The following PTPRJ variants were observed in gnomAD, a reference collection of about 807,000 sequenced individuals.
PTPRJ encodes receptor-type tyrosine-protein phosphatase eta.
In PTPRJ, 129 loss-of-function variants were observed where a neutral mutation model predicts 141.3. That is an observed-to-expected ratio of 0.91 (90% confidence interval 0.79 to 1.06). The LOEUF is 1.06. Ranked by LOEUF, PTPRJ falls within the 50% of genes least tolerant of loss-of-function variation. PTPRJ has a pLI of 0.00. For synonymous variants in PTPRJ, 610 were observed against 640.5 expected (o/e 0.95, Z 0.72); for missense variants, 1,601 against 1,679.7 (o/e 0.95, Z 0.82).
At chr11:48,049,539 A>AC (rs1391787151) in intron 1 of PTPRJ, among the ~76,000 whole-genome samples, 2 of 150,696 alleles carry the variant, frequency 1.3e-5, no homozygotes, top group African/African-American at 5.0e-5. Flanking sequence ...ACAAAACAAA[A>AC]CAAAACAAAA....
chr11:48,035,273 C>T (rs1422702087), intron 1 of PTPRJ, among the ~76,000 whole-genome samples: 1 of 152,192 alleles, frequency 6.6e-6, no homozygotes, highest in African/African-American at 2.4e-5. Flanking sequence ...TGTTAATCGA[C>T]CTGAGCCCCT....
intron 1 of PTPRJ, among the ~76,000 whole-genome samples, chr11:47,982,980 A>C (rs1215751201): frequency 6.6e-6 from 1 of 152,054 alleles, no homozygotes; most frequent in Non-Finnish European, 1.5e-5. Flanking sequence ...TCAGCAGTTC[A>C]TTTTGATAAT....
At chr11:48,149,589 T>A in intron 16 of PTPRJ, 101 bp downstream of exon 16, 1 of 819,036 alleles carries the variant, frequency 1.2e-6, no homozygotes, top group South Asian at 1.8e-5. Context: ...TTTTCCTGAT[T>A]GGCACATTTT....
intron 1 of PTPRJ, among the ~76,000 whole-genome samples, chr11:48,066,321 T>C (rs1855080184): frequency 2.1e-5 from 3 of 146,256 alleles, no homozygotes; most frequent in Non-Finnish European, 1.6e-5. Context: ...TCGAAGACTT[T>C]CCACTTGGAA....
chr11:48,119,151 T>A (rs1181148831), intron 3 of PTPRJ, among the ~76,000 whole-genome samples: 2 of 152,204 alleles, frequency 1.3e-5, no homozygotes, highest in African/African-American at 4.8e-5. Context: ...GCTGCTGTTC[T>A]TGCTACCTGC....
At chr11:48,165,932 C>A (rs1006621179) in intron 24 of PTPRJ, among the ~76,000 whole-genome samples, 29 of 151,600 alleles carry the variant, frequency 1.9e-4, no homozygotes, top group African/African-American at 7.0e-4. Flanking sequence ...GCGATCTCGG[C>A]TCACTGCAAC....
At chr11:48,106,729 C>CT (rs1012874029) in intron 1 of PTPRJ, among the ~76,000 whole-genome samples, 6 of 130,626 alleles carry the variant, frequency 4.6e-5, no homozygotes, top group Non-Finnish European at 9.9e-5. Context: ...GACTTAGTTT[C>CT]TTTTTTTTCT....
intron 18 of PTPRJ, among the ~76,000 whole-genome samples, chr11:48,152,379 T>G (rs1046338087): frequency 4.5e-4 from 69 of 152,184 alleles, no homozygotes; most frequent in African/African-American, 1.3e-3. Flanking sequence ...TGCAAAAATT[T>G]TCTCCCATTC....
chr11:48,032,210 C>T (rs1175247698), intron 1 of PTPRJ, among the ~76,000 whole-genome samples: 1 of 152,066 alleles, frequency 6.6e-6, no homozygotes, highest in African/African-American at 2.4e-5. Flanking sequence ...GCCTAGTTCC[C>T]TTTTTTTGTG....
chr11:48,053,930 CTTTTT>C (rs11290681), intron 1 of PTPRJ, among the ~76,000 whole-genome samples: 2 of 93,964 alleles, frequency 2.1e-5, no homozygotes, highest in Admixed American at 1.2e-4. Context: ...GCACCTCGTT[CTTTTT>C]TTTTTTTTTT....
intron 1 of PTPRJ, among the ~76,000 whole-genome samples, chr11:47,997,499 C>T (rs893267354): frequency 4.6e-5 from 7 of 152,264 alleles, no homozygotes; most frequent in Middle Eastern, 3.4e-3. Flanking sequence ...AGTCCTTTTT[C>T]GGGAGCTTTG....
intron 18 of PTPRJ, 117 bp downstream of exon 18, chr11:48,150,300 A>T: frequency 1.3e-6 from 1 of 767,206 alleles, no homozygotes; most frequent in Non-Finnish European, 2.2e-6. Flanking sequence ...GACTGTAGGC[A>T]GTTGGGACAT....
chr11:47,993,355 C>T (rs375454764), intron 1 of PTPRJ, among the ~76,000 whole-genome samples: 2 of 151,866 alleles, frequency 1.3e-5, no homozygotes, highest in African/African-American at 4.8e-5. Context: ...TGCAGTGTTG[C>T]GATCTCGGCT....
At chr11:48,090,139 T>G (rs1855829167) in intron 1 of PTPRJ, among the ~76,000 whole-genome samples, 1 of 152,170 alleles carries the variant, frequency 6.6e-6, no homozygotes, top group South Asian at 2.1e-4. Context: ...TCTGCTGTGA[T>G]TCAGTGCTGG....
intron 1 of PTPRJ, among the ~76,000 whole-genome samples, chr11:48,103,563 C>T (rs571286266): frequency 9.9e-4 from 151 of 152,304 alleles, no homozygotes; most frequent in Non-Finnish European, 1.8e-3. Context: ...TTTTAAAATT[C>T]GCTGGAAACT....
chr11:48,083,044 G>A (rs770143412), intron 1 of PTPRJ, among the ~76,000 whole-genome samples: 4 of 152,194 alleles, frequency 2.6e-5, no homozygotes, highest in Non-Finnish European at 4.4e-5. Flanking sequence ...TAGTTGGAAA[G>A]CAATTCAGCC....
In PTPRJ at chr11:48,024,258, C is replaced by T. The variant is rs115066409; in HGVS notation, c.96+43250C>T. Among the ~76,000 whole-genome samples the T allele has an allele frequency of 6.6e-3, 1,008 of 152,130 alleles. 12 individuals are homozygous for T. Among genetic ancestry groups the T allele is most frequent in the African/African-American group, 0.023 (971 of 41,476 alleles). On this transcript the variant is annotated intron_variant, in intron 1 of 24. Coordinates refer to ENST00000418331, the MANE Select transcript of PTPRJ (RefSeq NM_002843.4). The stretch of plus-strand genomic sequence containing the variant: ...TGACGACCAGGCTGGAGTGCAATGG[C>T]GTGATCTTTGCTTATTTCAACCTCC...
At chr11:48,007,133 C>T (rs1235973825) in intron 1 of PTPRJ, among the ~76,000 whole-genome samples, 2 of 151,848 alleles carry the variant, frequency 1.3e-5, no homozygotes, top group Admixed American at 1.3e-4. Flanking sequence ...CTGAGTCTCG[C>T]TTTGTCTCCC....
At chr11:48,011,369 G>C (rs1006939860) in intron 1 of PTPRJ, among the ~76,000 whole-genome samples, 1 of 152,112 alleles carries the variant, frequency 6.6e-6, no homozygotes, top group Non-Finnish European at 1.5e-5. Flanking sequence ...TCTGTTTCTG[G>C]ACTTACCACT....
Sources: allele counts gnomAD v4.1 joint callset (sites outside exome capture counted in the v4.1 genomes callset), GRCh38; gene constraint gnomAD v4.1.1; transcripts MANE v1.5; gene names NCBI Gene and HGNC (gene_info 2026-07-23, HGNC 2026-07-21).